The following TMEM171 variants were observed in gnomAD, a reference collection of about 807,000 sequenced individuals.
The protein encoded by TMEM171 is proline-rich protein PRP2.
Under a neutral mutation model 19.1 loss-of-function variants are expected in TMEM171, and 16 were observed. The ratio of observed to expected loss-of-function variants is 0.84; its 90% CI spans 0.57 to 1.27. TMEM171 has a LOEUF of 1.27. Ranked by LOEUF, TMEM171 falls within the 50% of genes most tolerant of loss-of-function variation. The probability of loss-of-function intolerance (pLI) is 0.00; values close to 1 mark genes in which losing one functional copy is unlikely to be tolerated. For synonymous variants in TMEM171, 153 were observed against 163.4 expected (o/e 0.94, Z 0.48); for missense variants, 429 against 412.7 (o/e 1.04, Z -0.34).
At chr5:73,126,548 G>C (rs969953520) in intron 2 of TMEM171, among the ~76,000 whole-genome samples, 1 of 152,224 alleles carries the variant, frequency 6.6e-6, no homozygotes, top group Non-Finnish European at 1.5e-5. Flanking sequence ...GTGTTGAGCT[G>C]AGAGAGTTGG....
In TMEM171 at chr5:73,120,672, A is replaced by G; in HGVS notation, c.-93A>G. Reference sequence around the variant, plus strand: ...AGCCAGTGCCCACAGCAGCGCGGTCAGCCAGGCGCCGGACCCAGCTTCAGG... The same window carrying G: ...AGCCAGTGCCCACAGCAGCGCGGTCGGCCAGGCGCCGGACCCAGCTTCAGG... On this transcript the variant is annotated 5_prime_UTR_variant, in exon 1 of 4. Transcript: ENST00000454765. 1 of 984,312 alleles carries G rather than the reference A, an allele frequency of 1.0e-6. No individual in the cohort carries two copies. 61.0% of individuals were successfully genotyped at this position (984,312 alleles called of 1,614,324 possible).
At chr5:73,125,321 G>A (rs1744131767) in intron 2 of TMEM171, among the ~76,000 whole-genome samples, 1 of 152,154 alleles carries the variant, frequency 6.6e-6, no homozygotes, top group Non-Finnish European at 1.5e-5. Flanking sequence ...GGTCCCCTGT[G>A]TGAAATTCAT....
intron 3 of TMEM171, among the ~76,000 whole-genome samples, chr5:73,129,948 G>A (rs952559118): frequency 1.3e-5 from 2 of 152,218 alleles, no homozygotes; most frequent in East Asian, 3.9e-4. Flanking sequence ...CTAGTGGGAC[G>A]GGCCTGAGGT....
chr5:73,127,408 A>ATGT (rs1561513446), intron 2 of TMEM171, among the ~76,000 whole-genome samples: 28 of 105,978 alleles, frequency 2.6e-4, no homozygotes, highest in African/African-American at 1.2e-3. Flanking sequence ...TATATATATA[A>ATGT]AGCATAAACA....
intron 2 of TMEM171, among the ~76,000 whole-genome samples, chr5:73,127,384 A>AAAAAAAAAAAT: frequency 1.1e-4 from 9 of 81,692 alleles, no homozygotes; most frequent in Non-Finnish European, 1.3e-4. Flanking sequence ...AAAAAAAAAA[A>AAAAAAAAAAAT]ATATATATAT....
intron 1 of TMEM171, 24 bp downstream of exon 1, chr5:73,120,720 CTGCGCCGGCGGCGGCGGGTCGGGCGCT>C (rs1228662313): frequency 2.0e-6 from 2 of 983,580 alleles, no homozygotes; most frequent in African/African-American, 3.5e-5. Context: ...GCCCGCGCGC[CTGCGCCGGCGGCGGCGGGTCGGGCGCT>C]GAGCTGTGCG....
chr5:73,127,127 A>C (rs1744181256), intron 2 of TMEM171, among the ~76,000 whole-genome samples: 1 of 152,008 alleles, frequency 6.6e-6, no homozygotes, highest in Non-Finnish European at 1.5e-5. Flanking sequence ...CAGGGGCTGA[A>C]ACTACATTTG....
intron 2 of TMEM171, among the ~76,000 whole-genome samples, chr5:73,127,136 T>C (rs1003557610): frequency 6.6e-6 from 1 of 151,954 alleles, no homozygotes; most frequent in Non-Finnish European, 1.5e-5. Flanking sequence ...AAACTACATT[T>C]GAGGAACAAG....
At chr5:73,127,803 C>T (rs1744217540) in intron 2 of TMEM171, among the ~76,000 whole-genome samples, 1 of 150,862 alleles carries the variant, frequency 6.6e-6, no homozygotes, top group Non-Finnish European at 1.5e-5. Context: ...TGCAGTGGTA[C>T]AATCATAGTT....
At chr5:73,127,967 A>G (rs1032667470) in intron 2 of TMEM171, among the ~76,000 whole-genome samples, 1 of 151,846 alleles carries the variant, frequency 6.6e-6, no homozygotes, top group Non-Finnish European at 1.5e-5. Flanking sequence ...CTGGTCTCCA[A>G]CTCCTGGGCT....
intron 2 of TMEM171, among the ~76,000 whole-genome samples, chr5:73,124,820 C>T (rs962185408): frequency 2.6e-5 from 4 of 152,190 alleles, no homozygotes; most frequent in African/African-American, 9.7e-5. Flanking sequence ...ATAGCAGTAG[C>T]GTTGGCCTCA....
Position 73,120,580 on chromosome 5 carries a change from G to T in TMEM171, c.-185G>T, listed in dbSNP as rs1330590571. 4.2e-5 allele frequency: 41 copies of T among 985,560 alleles called. 1 individual carries two copies. The South Asian group carries it at 1.5e-3, about 36-fold the overall frequency. 61.1% of individuals were successfully genotyped at this position (985,560 alleles called of 1,614,324 possible). A position where few individuals can be genotyped will look rare whatever the true frequency, so the allele number is the denominator to read the frequency against. Reference sequence around the variant, plus strand: ...CCGGGTCCGCCCTCCGCACCAGGACGCGCGGTGGGTAGGGTGCAGGGCGGC... The same window carrying T: ...CCGGGTCCGCCCTCCGCACCAGGACTCGCGGTGGGTAGGGTGCAGGGCGGC... On this transcript the variant is annotated 5_prime_UTR_variant, in exon 1 of 4. Coordinates refer to ENST00000454765, the MANE Select transcript of TMEM171 (RefSeq NM_173490.8).
chr5:73,127,936 G>A (rs1744222245), intron 2 of TMEM171, among the ~76,000 whole-genome samples: 1 of 151,936 alleles, frequency 6.6e-6, no homozygotes, highest in African/African-American at 2.4e-5. Context: ...TTTGAGATGA[G>A]ATAGCGCTGT....
Position 73,126,314 on chromosome 5 carries a change from G to A in TMEM171, c.641-2076G>A, listed in dbSNP as rs142068443. ...AAAAGTAAATGAGAATCTCAGGACC[G>A]CTATTATGCTTTCTCACCTTTAGAT... On this transcript the variant is annotated intron_variant, in intron 2 of 3. Transcript: ENST00000454765. 6.5e-3 allele frequency among the ~76,000 whole-genome samples: 986 copies of A among 152,280 alleles called. 9 individuals are homozygous for A. Among genetic ancestry groups the A allele is most frequent in the African/African-American group, 0.023 (936 of 41,560 alleles).
In TMEM171 at chr5:73,128,529, T is replaced by G; in HGVS notation, c.780T>G (p.Tyr260Ter). Residue 260 changes from tyrosine (Y) to a stop codon, truncating the protein, a stop_gained and splice_region_variant, in exon 3 of 4, where the codon TAT becomes TAG. Coordinates refer to ENST00000454765, the MANE Select transcript of TMEM171 (RefSeq NM_173490.8). LOFTEE classifies it low-confidence loss of function (END_TRUNC). ...CTTCATATTACAGTATTTTCAACTATGGGTAAGAATTTCAATTTGAACTTC... is the reference window on the plus strand; with the variant it reads ...CTTCATATTACAGTATTTTCAACTAGGGGTAAGAATTTCAATTTGAACTTC... ...NPPSYYSIFN[Y>*]GRTPTSEGAA... 1 of 1,613,846 alleles carries G rather than the reference T, an allele frequency of 6.2e-7. No homozygotes were observed. The highest frequency in any genetic ancestry group is 8.5e-7 in the Non-Finnish European group (1 of 1,179,814).
Position 73,123,665 on chromosome 5 carries a change from G to C in TMEM171, c.292G>C (p.Asp98His), listed in dbSNP as rs761332689. Residue 98 changes from aspartate to histidine, a missense_variant, in exon 2 of 4, where the codon GAC becomes CAC. Asp to His is a moderately conservative substitution (Grantham distance 81). Transcript: ENST00000454765. The stretch of plus-strand genomic sequence containing the variant: ...GCAGAGAGGTCAGCAGATGGACCCC[G>C]ACCGAGCCTTCATCTGTGGAGAGAG... Reference protein sequence around the residue: ...GLQRGQQMDPDRAFICGESRQ... With the variant: ...GLQRGQQMDPHRAFICGESRQ... The C allele has an allele frequency of 6.2e-7, 1 of 1,614,082 alleles. No homozygotes were observed. Among genetic ancestry groups the C allele is most frequent in the Non-Finnish European group, 8.5e-7 (1 of 1,180,048 alleles).
Position 73,127,380 on chromosome 5 carries a change from A to T in TMEM171, c.641-1010A>T, listed in dbSNP as rs375835694. Among the ~76,000 whole-genome samples the T allele has an allele frequency of 4.7e-3, 291 of 61,362 alleles. 1 individual carries two copies. The highest frequency in any genetic ancestry group is 0.023 in the African/African-American group (267 of 11,380). The allele number at this position is 61,362 out of a possible 152,430, so 40.3% of individuals were successfully genotyped here. Reference sequence around the variant, plus strand: ...TAAAAAATTTGTGGTAAAAAAAAAAAAAAAATATATATATATATATATATA... The same window carrying T: ...TAAAAAATTTGTGGTAAAAAAAAAATAAAAATATATATATATATATATATA... On this transcript the variant is annotated intron_variant, in intron 2 of 3. Coordinates refer to ENST00000454765, the MANE Select transcript of TMEM171 (RefSeq NM_173490.8).
In TMEM171 at chr5:73,123,692, C is replaced by T. The variant is rs747220933; in HGVS notation, c.319C>T (p.Arg107Cys). 16 of 1,614,092 alleles carry T rather than the reference C, an allele frequency of 9.9e-6. No individual in the cohort carries two copies. The highest frequency in any genetic ancestry group is 5.3e-5 in the African/African-American group (4 of 74,926). ...PDRAFICGESRQFAQCLIFGF... is the reference protein window; with the variant it reads ...PDRAFICGESCQFAQCLIFGF... ...CCGAGCCTTCATCTGTGGAGAGAGC[C>T]GCCAGTTTGCCCAGTGCCTTATCTT... Residue 107 changes from arginine to cysteine, a missense_variant, in exon 2 of 4, where the codon CGC becomes TGC. Coordinates refer to ENST00000454765, the MANE Select transcript of TMEM171 (RefSeq NM_173490.8).
chr5:73,121,991 C>G (rs577467639), intron 1 of TMEM171, among the ~76,000 whole-genome samples: 48 of 152,282 alleles, frequency 3.2e-4, no homozygotes, highest in African/African-American at 1.1e-3. Flanking sequence ...AATAAGATAA[C>G]GAGATAATTA....
Sources: gnomAD v4.1 joint callset for allele counts (sites outside exome capture counted in the v4.1 genomes callset) on GRCh38, gnomAD v4.1.1 for gene constraint, MANE v1.5 for transcripts, NCBI Gene and HGNC (gene_info 2026-07-23, HGNC 2026-07-21) for gene names.